The following DCHS2 variants were observed in gnomAD, a reference collection of about 807,000 sequenced individuals.
DCHS2 encodes dachsous cadherin-related 2, also known as protocadherin-23.
A neutral mutation model predicts 182.4 loss-of-function variants in DCHS2; 142 were observed. That is an observed-to-expected ratio of 0.78 (90% CI 0.68 to 0.89). The LOEUF is 0.89. DCHS2 is among the 40% of genes least tolerant of loss of function. The pLI is 0.00. For missense variants in DCHS2, 4,319 were observed against 4,198.6 expected (o/e 1.03, Z -0.79); for synonymous variants, 1,740 against 1,663.3 (o/e 1.05, Z -1.12).
chr4:154,317,902 G>A (rs143918773), intron 9 of DCHS2, among the ~76,000 whole-genome samples: 20 of 152,114 alleles, frequency 1.3e-4, no homozygotes, highest in African/African-American at 4.6e-4. Flanking sequence ...GGGTCTTAAT[G>A]TCCAAATGAA....
intron 3 of DCHS2, among the ~76,000 whole-genome samples, chr4:154,339,574 T>C (rs1728967845): frequency 6.6e-6 from 1 of 151,828 alleles, no homozygotes; most frequent in African/African-American, 2.4e-5. Context: ...CTCAGCCTCC[T>C]GAGTAGCTAG....
chr4:154,491,128 C>A lies in DCHS2; in HGVS notation c.228G>T (p.Gly76=). The A allele has an allele frequency of 6.4e-7, 1 of 1,551,470 alleles. No homozygotes were observed. Among genetic ancestry groups the A allele is most frequent in the Non-Finnish European group, 8.7e-7 (1 of 1,146,890 alleles). Reference sequence around the variant, plus strand: ...CACCTACCAGCGTGTCCGGGGGAAGCCCCTCATCTACGGAAAGGGTGAGGT... The same window carrying A: ...CACCTACCAGCGTGTCCGGGGGAAGACCCTCATCTACGGAAAGGGTGAGGT... The part of the protein sequence containing the change: ...LFNLTLSVDE[G]LPPDTLVGDI... The change falls in exon 1 of 20, where the codon GGG becomes GGT. Residue 76 remains glycine, a synonymous_variant. Coordinates refer to ENST00000357232, the MANE Select transcript of DCHS2 (RefSeq NM_001358235.2).
intron 1 of DCHS2, among the ~76,000 whole-genome samples, chr4:154,405,453 CAT>C (rs59533046): frequency 0.059 from 8,661 of 146,500 alleles, 268 homozygotes; most frequent in African/African-American, 0.094. Flanking sequence ...CATATTTATT[CAT>C]ATATATATAT....
rs1477727586 is a variant in DCHS2 at position 154,490,424 on chromosome 4, G to A, written c.932C>T (p.Pro311Leu). The A allele has an allele frequency of 1.3e-6, 2 of 1,533,696 alleles. No individual in the cohort carries two copies. Among genetic ancestry groups the A allele is most frequent in the Non-Finnish European group, 1.7e-6 (2 of 1,145,118 alleles). ...YRAAVREDAQ[P>L]GAEVCRVRAT... ...GCGCACGCGACAGACCTCGGCGCCC[G>A]GCTGGGCGTCCTCGCGCACCGCGGC... is the stretch of plus-strand genomic sequence containing the variant. Residue 311 changes from proline (P) to leucine (L), a missense_variant, in exon 1 of 20, where the codon CCG (proline) becomes CTG (leucine). Transcript: ENST00000357232.
intron 9 of DCHS2, among the ~76,000 whole-genome samples, chr4:154,319,439 G>C (rs1176845070): frequency 1.3e-5 from 2 of 151,496 alleles, no homozygotes; most frequent in Non-Finnish European, 2.9e-5. Flanking sequence ...CTGATGAGGG[G>C]TTAATATCCA....
In DCHS2 at chr4:154,414,028, A is replaced by G. The variant is rs537031843; in HGVS notation, c.2053-36584T>C. The stretch of plus-strand genomic sequence containing the variant: ...TTGCTTACTGGGGTTTATTATCAAG[A>G]CTCTTCTCCTCCCTACAAAAAAATA... On this transcript the variant is annotated intron_variant, in intron 1 of 19. Transcript: ENST00000357232. Among the ~76,000 whole-genome samples, 13 of 151,786 alleles carry G rather than the reference A, an allele frequency of 8.6e-5. No homozygotes were observed. In the East Asian group the frequency reaches 2.5e-3, roughly 29 times the overall value.
intron 1 of DCHS2, among the ~76,000 whole-genome samples, chr4:154,466,182 A>C (rs1324755436): frequency 6.6e-6 from 1 of 152,214 alleles, no homozygotes; most frequent in Non-Finnish European, 1.5e-5. Context: ...AGCTCCTCTC[A>C]GACATCAGAG....
chr4:154,467,881 T>C (rs1735302858), intron 1 of DCHS2, among the ~76,000 whole-genome samples: 1 of 152,202 alleles, frequency 6.6e-6, no homozygotes, highest in South Asian at 2.1e-4. Flanking sequence ...TGTAGTCCGA[T>C]GAAATCATTC....
intron 7 of DCHS2, among the ~76,000 whole-genome samples, chr4:154,325,890 C>T (rs975922275): frequency 2.6e-5 from 4 of 152,162 alleles, no homozygotes; most frequent in Admixed American, 6.5e-5. Flanking sequence ...CTGCTGTTTG[C>T]GTCAAATTCT....
At chr4:154,424,918 C>T (rs1733260387) in intron 1 of DCHS2, among the ~76,000 whole-genome samples, 1 of 152,202 alleles carries the variant, frequency 6.6e-6, no homozygotes, top group Non-Finnish European at 1.5e-5. Context: ...GCAACAGGTA[C>T]AGAGTCAAAG....
rs1020959585 is a variant in DCHS2, at chr4:154,320,691, C to G, written c.4708G>C (p.Val1570Leu). The change falls in exon 9 of 20, where the codon GTC becomes CTC. Residue 1570 changes from valine (V) to leucine (L), a missense_variant. Val to Leu is a conservative substitution (Grantham distance 32, BLOSUM62 1). Transcript: ENST00000357232. ...FLIHPSFGTL[V>L]TVSRLDRESI... ...TCTCTGTCAAGACGGGACACAGTGA[C>G]TAGTGTGCCAAATGAGGGGTGGATG... The G allele has an allele frequency of 6.2e-7, 1 of 1,614,058 alleles. No individual in the cohort carries two copies. Among genetic ancestry groups the G allele is most frequent in the Non-Finnish European group, 8.5e-7 (1 of 1,180,028 alleles).
intron 1 of DCHS2, among the ~76,000 whole-genome samples, chr4:154,482,761 G>C (rs1735970804): frequency 6.6e-6 from 1 of 152,106 alleles, no homozygotes; most frequent in Non-Finnish European, 1.5e-5. Context: ...ATATGAATGG[G>C]TGAGTTTGAT....
chr4:154,280,054 A>G (rs1293901257), intron 13 of DCHS2, among the ~76,000 whole-genome samples: 1 of 152,058 alleles, frequency 6.6e-6, no homozygotes, highest in East Asian at 1.9e-4. Context: ...ATTAAAACCA[A>G]TGCCACAGAA....
chr4:154,362,353 A>G (rs1730162526), intron 3 of DCHS2, among the ~76,000 whole-genome samples: 1 of 152,204 alleles, frequency 6.6e-6, no homozygotes, highest in Non-Finnish European at 1.5e-5. Context: ...TTTGCTCCAT[A>G]TATCAATGAA....
rs1019680120 is a variant in DCHS2 at position 154,239,105 on chromosome 4, G to T, written c.7492+65C>A. The T allele has an allele frequency of 1.5e-5, 23 of 1,558,196 alleles. No individual in the cohort carries two copies. The African/African-American group carries it at 3.0e-4, about 21-fold the overall frequency. On this transcript the variant is annotated intron_variant, in intron 19 of 19. Transcript: ENST00000357232. Reference sequence around the variant, plus strand: ...ACTTTTATAGAGGCATTTAGAAAGGGTTATTTCAGGTTTCTACTTTGAAAC... The same window carrying T: ...ACTTTTATAGAGGCATTTAGAAAGGTTTATTTCAGGTTTCTACTTTGAAAC...
At chr4:154,468,272 T>C (rs1735319114) in intron 1 of DCHS2, among the ~76,000 whole-genome samples, 1 of 152,104 alleles carries the variant, frequency 6.6e-6, no homozygotes, top group Non-Finnish European at 1.5e-5. Context: ...AATAATCAAG[T>C]CCAAAATGTG....
intron 16 of DCHS2, among the ~76,000 whole-genome samples, chr4:154,254,924 A>AT (rs977857370): frequency 4.6e-5 from 7 of 152,136 alleles, no homozygotes; most frequent in African/African-American, 1.2e-4. Context: ...GGTAGCACTG[A>AT]TTTTTTTAAA....
At chr4:154,370,003 A>G (rs1005627522) in intron 2 of DCHS2, among the ~76,000 whole-genome samples, 3 of 152,178 alleles carry the variant, frequency 2.0e-5, no homozygotes, top group Non-Finnish European at 4.4e-5. Context: ...ACTCCTGAAT[A>G]GTAGAATATT....
chr4:154,354,209 A>G (rs892003419), intron 3 of DCHS2, among the ~76,000 whole-genome samples: 3 of 152,232 alleles, frequency 2.0e-5, no homozygotes, highest in Admixed American at 2.0e-4. Context: ...TACAGGTGTG[A>G]GCCACTGCAC....
Sources: gnomAD v4.1 joint callset for allele counts (sites outside exome capture counted in the v4.1 genomes callset) on GRCh38, gnomAD v4.1.1 for gene constraint, MANE v1.5 for transcripts, NCBI Gene and HGNC (gene_info 2026-07-23, HGNC 2026-07-21) for gene names.